Variants in TRPM8 observed in about 807,000 individuals in gnomAD.
TRPM8 encodes TRPM8 cationic channel.
In TRPM8, 110 loss-of-function variants were observed where a neutral mutation model predicts 133.7. The observed-to-expected ratio is 0.82, with a 90% CI of 0.70 to 0.96. The LOEUF (loss-of-function observed/expected upper bound fraction) is 0.96, where lower values mean the gene tolerates loss of function less well. Among genes scored for constraint, TRPM8 ranks in the 40% least tolerant of loss-of-function variants. TRPM8 has a pLI of 0.00. For missense variants in TRPM8, 1,291 were observed against 1,379.5 expected, an observed-to-expected ratio of 0.94 and a Z score of 1.02; for synonymous variants, 535 against 532.3, an observed-to-expected ratio of 1.01 and a Z score of -0.07.
intron 22 of TRPM8, among the ~76,000 whole-genome samples, chr2:234,003,492 C>T (rs564591022): frequency 6.6e-6 from 1 of 152,288 alleles, no homozygotes; most frequent in African/African-American, 2.4e-5. Flanking sequence ...GAATTTGACT[C>T]AAACATGGCA....
chr2:233,925,608 C>T (rs1242053114), intron 1 of TRPM8, among the ~76,000 whole-genome samples: 2 of 152,012 alleles, frequency 1.3e-5, no homozygotes, highest in Non-Finnish European at 2.9e-5. Context: ...GGGCCGAGCG[C>T]AGAGACAACG....
At chr2:233,977,660 C>A (rs559964938) in intron 17 of TRPM8, among the ~76,000 whole-genome samples, 1 of 152,260 alleles carries the variant, frequency 6.6e-6, no homozygotes, top group South Asian at 2.1e-4. Context: ...TTCCTGTGGC[C>A]TCCCCCGAGG....
chr2:233,943,067 CTTT>C (rs67315288), intron 6 of TRPM8: 4,968 of 176,328 alleles, frequency 0.028, no homozygotes, highest in Middle Eastern at 0.067. Flanking sequence ...ACTGCAGTAT[CTTT>C]TTTTTTTTTT....
At chr2:233,953,381 T>C (rs1397022812) in intron 9 of TRPM8, among the ~76,000 whole-genome samples, 1 of 152,238 alleles carries the variant, frequency 6.6e-6, no homozygotes, top group Non-Finnish European at 1.5e-5. Context: ...CCAGTGCTTG[T>C]AACCTTGAAA....
At chr2:233,991,328 C>T (rs1692271300) in intron 21 of TRPM8, among the ~76,000 whole-genome samples, 1 of 152,176 alleles carries the variant, frequency 6.6e-6, no homozygotes, top group Non-Finnish European at 1.5e-5. Flanking sequence ...CAGTGTGATC[C>T]AATCGCTTGT....
chr2:233,923,494 T>G (rs1302480763), intron 1 of TRPM8, among the ~76,000 whole-genome samples: 1 of 152,172 alleles, frequency 6.6e-6, no homozygotes, highest in East Asian at 1.9e-4. Flanking sequence ...CACAGCCCCA[T>G]GTCCCCTGCT....
At chr2:233,956,174 C>A (rs2125152292) in intron 11 of TRPM8, among the ~76,000 whole-genome samples, 1 of 152,222 alleles carries the variant, frequency 6.6e-6, no homozygotes, top group East Asian at 1.9e-4. Context: ...CCAAGACCAT[C>A]CCCCCAGCCT....
chr2:233,927,254 T>C (rs956489344), intron 2 of TRPM8, among the ~76,000 whole-genome samples: 3 of 152,212 alleles, frequency 2.0e-5, no homozygotes, highest in African/African-American at 7.2e-5. Context: ...GAATTGGTGG[T>C]GGGAGGCAGT....
intron 1 of TRPM8, among the ~76,000 whole-genome samples, chr2:233,922,408 C>A (rs1691430131): frequency 6.6e-6 from 1 of 152,182 alleles, no homozygotes; most frequent in South Asian, 2.1e-4. Context: ...AAGCTCCTCA[C>A]TTAACCAGTC....
intron 11 of TRPM8, among the ~76,000 whole-genome samples, chr2:233,959,741 C>T (rs10929320): frequency 0.31 from 46,753 of 151,988 alleles, 8,973 homozygotes; most frequent in Middle Eastern, 0.43. Flanking sequence ...TGACTGAGAG[C>T]TGGAGTGGCC....
rs11563129 is a variant in TRPM8 at position 233,984,258 on chromosome 2, G to T, written c.2761+1034G>T. 5.2e-3 allele frequency among the ~76,000 whole-genome samples: 784 copies of T among 152,198 alleles called. 12 individuals carry two copies. Among genetic ancestry groups the T allele is most frequent in the African/African-American group, 0.018 (751 of 41,528 alleles). ...TTCTCTACAGGGCCTCTCACTGGCC[G>T]GTGTGACCCCACACATGCTCAGATG... On this transcript the variant is annotated intron_variant, in intron 20 of 25. Coordinates refer to ENST00000324695, the MANE Select transcript of TRPM8 (RefSeq NM_024080.5).
At chr2:233,964,109 C>T (rs1437525381) in intron 13 of TRPM8, among the ~76,000 whole-genome samples, 5 of 152,150 alleles carry the variant, frequency 3.3e-5, no homozygotes, top group African/African-American at 4.8e-5. Flanking sequence ...GGTTGAGCTT[C>T]GGGCTCCCTG....
intron 22 of TRPM8, among the ~76,000 whole-genome samples, chr2:234,003,459 G>A (rs897889803): frequency 6.6e-6 from 1 of 152,202 alleles, no homozygotes; most frequent in Admixed American, 6.5e-5. Flanking sequence ...ATATCAGGGA[G>A]AGGATTTGGA....
At chr2:233,924,876 T>C (rs1435028083) in intron 1 of TRPM8, among the ~76,000 whole-genome samples, 2 of 152,336 alleles carry the variant, frequency 1.3e-5, no homozygotes, top group East Asian at 3.9e-4. Flanking sequence ...CAATGATGTA[T>C]GTAAAGTGCC....
intron 2 of TRPM8, among the ~76,000 whole-genome samples, chr2:233,927,416 C>T (rs1302225260): frequency 6.6e-6 from 1 of 152,186 alleles, no homozygotes; most frequent in Non-Finnish European, 1.5e-5. Flanking sequence ...AGGGCCCGGG[C>T]TAGGCAAGTG....
chr2:233,983,678 G>A (rs1416008647), intron 20 of TRPM8, among the ~76,000 whole-genome samples: 3 of 152,200 alleles, frequency 2.0e-5, no homozygotes, highest in African/African-American at 4.8e-5. Context: ...CAGGCTGATG[G>A]TGGCACAGAT....
At chr2:233,964,996 G>A (rs1574733706) in intron 14 of TRPM8, among the ~76,000 whole-genome samples, 1 of 150,266 alleles carries the variant, frequency 6.7e-6, no homozygotes, top group Non-Finnish European at 1.5e-5. Flanking sequence ...GGCCACCCAG[G>A]GCCATACCCA....
intron 12 of TRPM8, 64 bp from the exon 13 acceptor site, chr2:233,963,218 A>G (rs1412253833): frequency 1.2e-5 from 14 of 1,123,490 alleles, no homozygotes; most frequent in Non-Finnish European, 1.9e-5. Context: ...CTACTCTCCT[A>G]GGGCTTCCTG....
intron 2 of TRPM8, among the ~76,000 whole-genome samples, chr2:233,928,353 C>A (rs994519265): frequency 3.3e-5 from 5 of 152,158 alleles, no homozygotes; most frequent in African/African-American, 9.7e-5. Flanking sequence ...GACCCCCTCC[C>A]AGATGCAGGC....
Sources: gnomAD v4.1 joint callset for allele counts (sites outside exome capture counted in the v4.1 genomes callset) on GRCh38, gnomAD v4.1.1 for gene constraint, MANE v1.5 for transcripts, NCBI Gene and HGNC (gene_info 2026-07-23, HGNC 2026-07-21) for gene names.